The following SGCZ variants were observed in gnomAD, a reference collection of about 807,000 sequenced individuals.
The protein encoded by SGCZ is sarcoglycan zeta, also known as zeta-sarcoglycan.
In SGCZ, 40 loss-of-function variants were observed where a neutral mutation model predicts 41.3. The ratio of observed to expected loss-of-function variants is 0.97; its 90% CI spans 0.75 to 1.26. The LOEUF (loss-of-function observed/expected upper bound fraction) is 1.26, where lower values mean the gene tolerates loss of function less well. SGCZ is among the 50% of genes most tolerant of loss of function. The probability of loss-of-function intolerance (pLI) is 0.00; values close to 1 mark genes in which losing one functional copy is unlikely to be tolerated. For missense variants in SGCZ, 552 were observed against 369.8 expected (o/e 1.49, Z -4.04); for synonymous variants, 206 against 137.5 (o/e 1.50, Z -3.49).
At chr8:14,407,826 T>G (rs1336485746) in intron 2 of SGCZ, among the ~76,000 whole-genome samples, 3 of 152,182 alleles carry the variant, frequency 2.0e-5, no homozygotes, top group African/African-American at 7.2e-5. Context: ...TTATTCATTC[T>G]TTCCAAAGTA....
chr8:14,965,321 T>C (rs1290235358), intron 1 of SGCZ, among the ~76,000 whole-genome samples: 1 of 151,922 alleles, frequency 6.6e-6, no homozygotes, highest in African/African-American at 2.4e-5. Context: ...TTTCCTAGAG[T>C]GAAGTTTCCA....
chr8:14,212,574 G>C (rs1424822284), intron 4 of SGCZ, among the ~76,000 whole-genome samples: 4 of 151,528 alleles, frequency 2.6e-5, no homozygotes, highest in Non-Finnish European at 5.9e-5. Flanking sequence ...ACCTAAACCA[G>C]GTGGCGTGAC....
intron 3 of SGCZ, among the ~76,000 whole-genome samples, chr8:14,296,067 A>C (rs534310253): frequency 6.6e-6 from 1 of 152,216 alleles, no homozygotes; most frequent in South Asian, 2.1e-4. Flanking sequence ...AGAGTTTAGA[A>C]TTGAGACCAC....
chr8:14,917,575 A>G (rs1799472875), intron 1 of SGCZ, among the ~76,000 whole-genome samples: 1 of 152,104 alleles, frequency 6.6e-6, no homozygotes, highest in South Asian at 2.1e-4. Context: ...CTATTGATCC[A>G]CAGCAAAGAA....
chr8:14,174,229 T>C (rs555688265), intron 4 of SGCZ, among the ~76,000 whole-genome samples: 112 of 152,200 alleles, frequency 7.4e-4, no homozygotes, highest in African/African-American at 2.4e-3. Flanking sequence ...AGACATACTA[T>C]CAAACTACAT....
At chr8:14,292,084 G>A (rs1417380970) in intron 3 of SGCZ, among the ~76,000 whole-genome samples, 4 of 151,986 alleles carry the variant, frequency 2.6e-5, no homozygotes, top group Non-Finnish European at 5.9e-5. Flanking sequence ...GACTGTGACA[G>A]GTAGATATCA....
Position 14,976,596 on chromosome 8 carries a change from A to C in SGCZ, c.39+260989T>G, listed in dbSNP as rs569585309. Among the ~76,000 whole-genome samples the C allele has an allele frequency of 4.6e-5, 7 of 152,290 alleles. No homozygotes were observed. In the South Asian group the frequency reaches 1.5e-3, roughly 32 times the overall value. On this transcript the variant is annotated intron_variant, in intron 1 of 7. Coordinates refer to ENST00000382080, the MANE Select transcript of SGCZ (RefSeq NM_139167.4). ...GCTGTGAAGTTTCTGACAACAACACATAAGGTCAAACACAGTTTCACTTGT... is the reference window on the plus strand; with the variant it reads ...GCTGTGAAGTTTCTGACAACAACACCTAAGGTCAAACACAGTTTCACTTGT...
Position 14,653,210 on chromosome 8 carries a change from G to A in SGCZ, c.40-98284C>T, listed in dbSNP as rs973720175. Among the ~76,000 whole-genome samples the A allele has an allele frequency of 3.3e-5, 5 of 151,932 alleles. 1 individual carries two copies. The East Asian group carries it at 9.7e-4, about 29-fold the overall frequency. On this transcript the variant is annotated intron_variant, in intron 1 of 7. Coordinates refer to ENST00000382080, the MANE Select transcript of SGCZ (RefSeq NM_139167.4). ...TGTTTGGGTCCACATAACTAGTTCC[G>A]ACCAAAGCAATGTGACGTGACATGA...
chr8:14,792,912 A>G (rs1801001268), intron 1 of SGCZ, among the ~76,000 whole-genome samples: 1 of 152,128 alleles, frequency 6.6e-6, no homozygotes, highest in Non-Finnish European at 1.5e-5. Flanking sequence ...ATGGTTTTAA[A>G]TACTATTGGC....
intron 3 of SGCZ, among the ~76,000 whole-genome samples, chr8:14,320,381 C>G (rs1331356969): frequency 6.6e-6 from 1 of 151,620 alleles, no homozygotes; most frequent in Non-Finnish European, 1.5e-5. Context: ...GTCATGTAAT[C>G]AGGAAAGACA....
chr8:14,738,581 CA>C (rs1218823704), intron 1 of SGCZ, among the ~76,000 whole-genome samples: 3 of 152,012 alleles, frequency 2.0e-5, no homozygotes, highest in Admixed American at 2.0e-4. Flanking sequence ...TCTGATACAC[CA>C]CTCTTAAGTT....
chr8:14,441,262 GGTGCT>G (rs1800253128), intron 2 of SGCZ, among the ~76,000 whole-genome samples: 1 of 152,070 alleles, frequency 6.6e-6, no homozygotes, highest in South Asian at 2.1e-4. Context: ...TCCAGTTGTA[GGTGCT>G]GTCTCCTTCA....
intron 1 of SGCZ, among the ~76,000 whole-genome samples, chr8:14,901,825 G>T (rs192744705): frequency 3.3e-5 from 5 of 152,116 alleles, no homozygotes; most frequent in Non-Finnish European, 7.4e-5. Flanking sequence ...GAAATGTCAC[G>T]CTAATGTAAA....
chr8:14,650,702 T>C (rs575985029), intron 1 of SGCZ, among the ~76,000 whole-genome samples: 7 of 152,026 alleles, frequency 4.6e-5, no homozygotes, highest in Non-Finnish European at 1.0e-4. Context: ...GCCTGAAATA[T>C]TGCCAGGTGA....
intron 3 of SGCZ, among the ~76,000 whole-genome samples, chr8:14,279,032 A>AT (rs1800331605): frequency 1.3e-5 from 2 of 152,202 alleles, no homozygotes; most frequent in African/African-American, 4.8e-5. Context: ...TTCCCTGCAA[A>AT]ATAAAATAAT....
chr8:14,184,400 C>A (rs1804836190), intron 4 of SGCZ, among the ~76,000 whole-genome samples: 1 of 152,014 alleles, frequency 6.6e-6, no homozygotes. Flanking sequence ...CTTATGTAAT[C>A]CAGAGTATTA....
At position 14,086,122 on chromosome 8, in the gene SGCZ, A is replaced by T. The variant is rs2116938462; in HGVS notation, c.*4321T>A. Among the ~76,000 whole-genome samples the T allele has an allele frequency of 6.6e-6, 1 of 151,842 alleles. No individual in the cohort carries two copies. The highest frequency in any genetic ancestry group is 2.1e-4 in the South Asian group (1 of 4,830). On this transcript the variant is annotated 3_prime_UTR_variant, in exon 8 of 8. Coordinates refer to ENST00000382080, the MANE Select transcript of SGCZ (RefSeq NM_139167.4). ...CAAATAATTTCTCCATATGTCATTA[A>T]ATATGATCACATGAACAACTCTTAT...
intron 1 of SGCZ, among the ~76,000 whole-genome samples, chr8:14,860,463 AAG>A (rs2130677011): frequency 6.6e-6 from 1 of 151,122 alleles, no homozygotes; most frequent in Admixed American, 6.6e-5. Flanking sequence ...AAGGAAAGAG[AAG>A]AGAGTGAGAG....
intron 2 of SGCZ, among the ~76,000 whole-genome samples, chr8:14,524,597 A>G (rs1227747554): frequency 1.3e-5 from 2 of 152,156 alleles, no homozygotes; most frequent in Admixed American, 6.5e-5. Flanking sequence ...ATTTATAACA[A>G]TGATACCTTT....
Sources: allele counts gnomAD v4.1 joint callset (sites outside exome capture counted in the v4.1 genomes callset), GRCh38; gene constraint gnomAD v4.1.1; transcripts MANE v1.5; gene names NCBI Gene and HGNC (gene_info 2026-07-23, HGNC 2026-07-21).